SLC22A24: variants seen among roughly 807,000 people sequenced by gnomAD.
The protein encoded by SLC22A24 is solute carrier family 22 member 24.
SLC22A24 carries 53 observed loss-of-function variants against 49.8 expected under a neutral mutation model. The observed-to-expected ratio is 1.06, with a 90% CI of 0.85 to 1.34. SLC22A24 has a LOEUF of 1.34. Among genes scored for constraint, SLC22A24 ranks in the 40% most tolerant of loss-of-function variants. The probability of loss-of-function intolerance (pLI) is 0.00; values close to 1 mark genes in which losing one functional copy is unlikely to be tolerated. For missense variants in SLC22A24, 786 were observed against 675.9 expected (o/e 1.16, Z -1.81); for synonymous variants, 302 against 256.4 (o/e 1.18, Z -1.70).
intron 1 of SLC22A24, among the ~76,000 whole-genome samples, chr11:63,137,289 T>A (rs1360311916): frequency 1.3e-5 from 2 of 152,204 alleles, no homozygotes; most frequent in Non-Finnish European, 2.9e-5. Context: ...AGTTCTTGGC[T>A]AGGGATCTGA....
At chr11:63,141,320 G>A (rs58482363) in intron 1 of SLC22A24, among the ~76,000 whole-genome samples, 12 of 152,242 alleles carry the variant, frequency 7.9e-5, no homozygotes, top group East Asian at 3.9e-4. Flanking sequence ...TTGGGTAAAC[G>A]GCAGGAAATA....
intron 9 of SLC22A24, 114 bp from the exon 10 acceptor site, chr11:63,080,114 C>T: frequency 1.6e-6 from 1 of 638,124 alleles, no homozygotes; most frequent in Non-Finnish European, 2.7e-6. Context: ...TACCCACCAG[C>T]ATTGTAATCC....
At chr11:63,121,763 T>C (rs1175463904) in intron 2 of SLC22A24, among the ~76,000 whole-genome samples, 2 of 152,126 alleles carry the variant, frequency 1.3e-5, no homozygotes, top group African/African-American at 2.4e-5. Flanking sequence ...GCATTAGGTA[T>C]ATCTCCTAAT....
chr11:63,112,428 C>G (rs2134660080), intron 4 of SLC22A24, among the ~76,000 whole-genome samples: 1 of 152,172 alleles, frequency 6.6e-6, no homozygotes, highest in African/African-American at 2.4e-5. Context: ...TCTCGTTGAT[C>G]TGTCTAATGT....
intron 4 of SLC22A24, among the ~76,000 whole-genome samples, chr11:63,113,033 A>T (rs867021614): frequency 0.013 from 407 of 30,714 alleles, 82 homozygotes; most frequent in African/African-American, 0.052. Flanking sequence ...AAAAAAAAAA[A>T]AAATATATAT....
At chr11:63,141,171 A>G (rs2087413179) in intron 1 of SLC22A24, among the ~76,000 whole-genome samples, 1 of 152,228 alleles carries the variant, frequency 6.6e-6, no homozygotes, top group Non-Finnish European at 1.5e-5. Context: ...TTAAAACTGG[A>G]TAGAGATATA....
At chr11:63,105,810 C>G (rs1277177360) in intron 4 of SLC22A24, among the ~76,000 whole-genome samples, 2 of 152,140 alleles carry the variant, frequency 1.3e-5, no homozygotes, top group Non-Finnish European at 2.9e-5. Flanking sequence ...ATGCAAGTTT[C>G]TGCAGCAGGC....
chr11:63,082,601 G>A (rs543612078), intron 7 of SLC22A24, among the ~76,000 whole-genome samples: 3 of 152,174 alleles, frequency 2.0e-5, no homozygotes, highest in Non-Finnish European at 4.4e-5. Flanking sequence ...TTCTTAATCT[G>A]TTCCTTGTTT....
At chr11:63,119,448 G>A (rs778495050) in intron 2 of SLC22A24, 113 bp from the exon 3 acceptor site, 6 of 1,011,740 alleles carry the variant, frequency 5.9e-6, no homozygotes, top group Non-Finnish European at 8.5e-6. Flanking sequence ...AGTGGAACAT[G>A]GTGCTTGACA....
At chr11:63,095,900 G>A (rs2087051214) in intron 6 of SLC22A24, 91 bp downstream of exon 6, 1 of 934,162 alleles carries the variant, frequency 1.1e-6, no homozygotes, top group Non-Finnish European at 1.7e-6. Context: ...TGTATTAAAT[G>A]TCCTCCAAAT....
chr11:63,139,268 G>C (rs1247987132), intron 1 of SLC22A24, among the ~76,000 whole-genome samples: 1 of 152,066 alleles, frequency 6.6e-6, no homozygotes, highest in African/African-American at 2.4e-5. Context: ...AAAACAGAAG[G>C]TGCCACAGAC....
chr11:63,109,946 G>A (rs919493651), intron 4 of SLC22A24, among the ~76,000 whole-genome samples: 15 of 152,156 alleles, frequency 9.9e-5, no homozygotes, highest in African/African-American at 1.9e-4. Context: ...GAATGGTAAT[G>A]CCTAGGATTT....
chr11:63,111,260 A>C (rs901353700), intron 4 of SLC22A24, among the ~76,000 whole-genome samples: 3 of 151,706 alleles, frequency 2.0e-5, no homozygotes, highest in East Asian at 3.9e-4. Context: ...CCAGTATTTT[A>C]TTGAGGATAT....
intron 4 of SLC22A24, 71 bp downstream of exon 4, chr11:63,118,841 G>A: frequency 6.8e-7 from 1 of 1,480,586 alleles, no homozygotes; most frequent in Non-Finnish European, 9.2e-7. Flanking sequence ...CAGATCCCAG[G>A]TGTCAGAATT....
chr11:63,128,725 A>C (rs944107947), intron 2 of SLC22A24, among the ~76,000 whole-genome samples: 1 of 152,198 alleles, frequency 6.6e-6, no homozygotes, highest in African/African-American at 2.4e-5. Flanking sequence ...TCCAGTGGAC[A>C]CATGACCCAT....
At chr11:63,121,354 A>G (rs969699597) in intron 2 of SLC22A24, among the ~76,000 whole-genome samples, 1 of 152,176 alleles carries the variant, frequency 6.6e-6, no homozygotes, top group Non-Finnish European at 1.5e-5. Context: ...CGAGATGTTA[A>G]TATTAGAAAT....
intron 4 of SLC22A24, among the ~76,000 whole-genome samples, chr11:63,112,724 C>T (rs1433345016): frequency 2.6e-5 from 4 of 151,806 alleles, no homozygotes; most frequent in Non-Finnish European, 2.9e-5. Context: ...GGCATTTAGC[C>T]CATTTACATT....
chr11:63,100,025 A>G (rs1050975736), intron 5 of SLC22A24, among the ~76,000 whole-genome samples: 3 of 152,180 alleles, frequency 2.0e-5, no homozygotes, highest in Non-Finnish European at 2.9e-5. Flanking sequence ...AAAGACAAGG[A>G]TGCTCATTTT....
At chr11:63,103,682 A>C (rs920504913) in intron 5 of SLC22A24, among the ~76,000 whole-genome samples, 21 of 152,316 alleles carry the variant, frequency 1.4e-4, no homozygotes, top group African/African-American at 4.3e-4. Context: ...AATGCCAAAA[A>C]GGTCTTTTAT....
Sources: allele counts gnomAD v4.1 joint callset (sites outside exome capture counted in the v4.1 genomes callset), GRCh38; gene constraint gnomAD v4.1.1; transcripts MANE v1.5; gene names NCBI Gene and HGNC (gene_info 2026-07-23, HGNC 2026-07-21).